The following VSTM4 variants were observed in gnomAD, a reference collection of about 807,000 sequenced individuals.
The protein encoded by VSTM4 is V-set and transmembrane domain-containing protein 4.
In VSTM4, 20 loss-of-function variants were observed where a neutral mutation model predicts 36.4. The observed-to-expected ratio is 0.55, with a 90% CI of 0.39 to 0.80. The LOEUF is 0.80. Among genes scored for constraint, VSTM4 ranks in the 30% least tolerant of loss-of-function variants. VSTM4 has a pLI of 0.00. For missense variants in VSTM4, 392 were observed against 404.5 expected (o/e 0.97, Z 0.26); for synonymous variants, 182 against 173.9 (o/e 1.05, Z -0.37).
intron 2 of VSTM4, among the ~76,000 whole-genome samples, chr10:49,105,033 AC>A (rs1388699694): frequency 9.7e-4 from 2 of 2,070 alleles, no homozygotes; most frequent in Non-Finnish European, 2.2e-3. Flanking sequence ...AGGGAGAGAG[AC>A]CAGAGAGACA....
At chr10:49,098,434 T>C (rs546790601) in intron 2 of VSTM4, among the ~76,000 whole-genome samples, 75 of 152,230 alleles carry the variant, frequency 4.9e-4, no homozygotes, top group Non-Finnish European at 8.8e-4. Flanking sequence ...ACTTCACATC[T>C]GACCTCTTAA....
At chr10:49,081,099 G>C (rs887882180) in intron 3 of VSTM4, among the ~76,000 whole-genome samples, 7 of 152,172 alleles carry the variant, frequency 4.6e-5, no homozygotes, top group Non-Finnish European at 8.8e-5. Context: ...CACAGACCAG[G>C]ATTTGTGGCA....
At chr10:49,083,365 G>T (rs1199479524) in intron 3 of VSTM4, among the ~76,000 whole-genome samples, 39 of 152,138 alleles carry the variant, frequency 2.6e-4, no homozygotes, top group Non-Finnish European at 2.9e-5. Context: ...CCAGGAGGAT[G>T]GATATCCATC....
chr10:49,103,743 C>T, intron 2 of VSTM4: 1 of 1,613,332 alleles, frequency 6.2e-7, no homozygotes, highest in Non-Finnish European at 8.5e-7. Context: ...TATCTCACAT[C>T]AAGAACTCTG....
Position 49,065,153 on chromosome 10 carries a change from G to A in VSTM4, c.635-417C>T, listed in dbSNP as rs139669114. 2.1e-3 allele frequency among the ~76,000 whole-genome samples: 327 copies of A among 152,292 alleles called. 1 individual carries two copies. The highest frequency in any genetic ancestry group is 7.5e-3 in the African/African-American group (312 of 41,552). ...AATGAGTTTGAATTCTCTGATTAAT[G>A]CTCTTCCAGGACTAAAAAGAGGCCC... is the stretch of plus-strand genomic sequence containing the variant. On this transcript the variant is annotated intron_variant, in intron 4 of 7. Coordinates refer to ENST00000332853, the MANE Select transcript of VSTM4 (RefSeq NM_001031746.5).
Position 49,019,411 on chromosome 10 carries a change from G to T in VSTM4, c.*239C>A. On this transcript the variant is annotated 3_prime_UTR_variant, in exon 8 of 8. Transcript: ENST00000332853. Reference sequence around the variant, plus strand: ...CTGCTCTCAGGATCAGAATCCTTACGCTCAGGGCTCAAACCCAGGCGCATC... The same window carrying T: ...CTGCTCTCAGGATCAGAATCCTTACTCTCAGGGCTCAAACCCAGGCGCATC... The T allele has an allele frequency of 2.8e-6, 1 of 359,624 alleles. No homozygotes were observed. The highest frequency in any genetic ancestry group is 4.7e-6 in the Non-Finnish European group (1 of 212,386). The allele number at this position is 359,624 out of a possible 1,614,324, so 22.3% of individuals were successfully genotyped here.
At chr10:49,044,865 T>C (rs747429120) in intron 7 of VSTM4, among the ~76,000 whole-genome samples, 8 of 152,226 alleles carry the variant, frequency 5.3e-5, no homozygotes, top group Non-Finnish European at 1.2e-4. Flanking sequence ...CATCTCCTGT[T>C]AACTTTTGTG....
In VSTM4 at chr10:49,023,509, T is replaced by C. The variant is rs77747252; in HGVS notation, c.838-3734A>G. The stretch of plus-strand genomic sequence containing the variant: ...ACTAAGACTAGGTAAACTAAAAAAC[T>C]GGTGGTAAAACCAAGAGCCAGGAGC... On this transcript the variant is annotated intron_variant, in intron 7 of 7. Coordinates refer to ENST00000332853, the MANE Select transcript of VSTM4 (RefSeq NM_001031746.5). Among the ~76,000 whole-genome samples, 670 of 152,294 alleles carry C rather than the reference T, an allele frequency of 4.4e-3. 5 individuals are homozygous for C. The highest frequency in any genetic ancestry group is 0.02 in the East Asian group (105 of 5,188).
chr10:49,092,037 A>T (rs1844484489), intron 2 of VSTM4, among the ~76,000 whole-genome samples: 2 of 152,198 alleles, frequency 1.3e-5, no homozygotes, highest in African/African-American at 4.8e-5. Flanking sequence ...AGCTGGGCTC[A>T]GGAGACATGC....
At chr10:49,083,070 C>T (rs960574957) in intron 3 of VSTM4, among the ~76,000 whole-genome samples, 1 of 152,226 alleles carries the variant, frequency 6.6e-6, no homozygotes, top group Non-Finnish European at 1.5e-5. Context: ...CCCAGTGCCC[C>T]TCAGCAGAGT....
At chr10:49,090,424 AATCCCC>A (rs1410914642) in intron 2 of VSTM4, among the ~76,000 whole-genome samples, 2 of 152,170 alleles carry the variant, frequency 1.3e-5, no homozygotes, top group Non-Finnish European at 2.9e-5. Context: ...TGCCCAGCCC[AATCCCC>A]CAAAGAGGAA....
At chr10:49,048,440 A>C in intron 6 of VSTM4, 38 bp downstream of exon 6, 2 of 1,534,698 alleles carry the variant, frequency 1.3e-6, no homozygotes. Context: ...ATCAATAATG[A>C]TAGTTTCCAG....
chr10:49,080,557 G>A (rs1235539554), intron 3 of VSTM4, among the ~76,000 whole-genome samples: 1 of 152,240 alleles, frequency 6.6e-6, no homozygotes, highest in African/African-American at 2.4e-5. Context: ...AGTGCCTTAG[G>A]GCAAGGTAGC....
At chr10:49,055,487 G>A (rs1479169372) in intron 5 of VSTM4, among the ~76,000 whole-genome samples, 1 of 152,184 alleles carries the variant, frequency 6.6e-6, no homozygotes, top group African/African-American at 2.4e-5. Flanking sequence ...CCACAACTAT[G>A]GTGGCAATTC....
chr10:49,063,801 C>G (rs1198576061), intron 5 of VSTM4, among the ~76,000 whole-genome samples: 1 of 152,206 alleles, frequency 6.6e-6, no homozygotes, highest in Non-Finnish European at 1.5e-5. Context: ...CTTGCTGGCT[C>G]TTCCCTGAAG....
In VSTM4 at chr10:49,099,013, G is replaced by A. The variant is rs558682030; in HGVS notation, c.457+8581C>T. 1.5e-4 allele frequency among the ~76,000 whole-genome samples: 23 copies of A among 152,330 alleles called. 1 individual carries two copies. The South Asian group carries it at 4.6e-3, about 30-fold the overall frequency. On this transcript the variant is annotated intron_variant, in intron 2 of 7. Transcript: ENST00000332853. Reference sequence around the variant, plus strand: ...AACCTTCCTCAATAGAATGGATCCTGTCTCTGAAGGCGGTTGCTCATTTCC... The same window carrying A: ...AACCTTCCTCAATAGAATGGATCCTATCTCTGAAGGCGGTTGCTCATTTCC...
At chr10:49,046,876 G>T in intron 7 of VSTM4, 107 bp downstream of exon 7, 1 of 1,169,550 alleles carries the variant, frequency 8.6e-7, no homozygotes, top group Non-Finnish European at 1.3e-6. Context: ...GGGGACAAAA[G>T]TTTCTAAAAC....
chr10:49,047,199 G>A (rs375872436), intron 6 of VSTM4, among the ~76,000 whole-genome samples, 155 bp from the exon 7 acceptor site: 5 of 152,120 alleles, frequency 3.3e-5, no homozygotes, highest in African/African-American at 1.2e-4. Context: ...AGTGCCCCTC[G>A]GCGGGCGTGA....
rs151199777 is a variant in VSTM4, at chr10:49,107,712, G to A, written c.339C>T (p.Ser113=). The change falls in exon 2 of 8, where the codon TCC becomes TCT. Residue 113 remains serine, a synonymous_variant. Coordinates refer to ENST00000332853, the MANE Select transcript of VSTM4 (RefSeq NM_001031746.5). Reference sequence around the variant, plus strand: ...GATCGGAGGGCTGCAGTGTCAAGACGGAGAGCCTGTAGAGCGCCCCCCGCT... The same window carrying A: ...GATCGGAGGGCTGCAGTGTCAAGACAGAGAGCCTGTAGAGCGCCCCCCGCT... ...EEQRGALYRL[S]VLTLQPSDQG... is the part of the protein sequence containing the mutation. 3.5e-5 allele frequency: 57 copies of A among 1,614,196 alleles called. No individual in the cohort carries two copies. Among genetic ancestry groups the A allele is most frequent in the African/African-American group, 1.5e-4 (11 of 75,052 alleles).
Sources: allele counts gnomAD v4.1 joint callset (sites outside exome capture counted in the v4.1 genomes callset), GRCh38; gene constraint gnomAD v4.1.1; transcripts MANE v1.5; gene names NCBI Gene and HGNC (gene_info 2026-07-23, HGNC 2026-07-21).